Variants in LTV1 observed in about 807,000 individuals in gnomAD.
LTV1 encodes protein LTV1 homolog.
LTV1 carries 39 observed loss-of-function variants against 59.9 expected under a neutral mutation model. The ratio of observed to expected loss-of-function variants is 0.65; its 90% CI spans 0.50 to 0.85. The LOEUF is 0.85. LTV1 is among the 40% of genes least tolerant of loss of function. The pLI is 0.00. For synonymous variants in LTV1, 171 were observed against 189.5 expected (o/e 0.90, Z 0.80); for missense variants, 493 against 549.1 (o/e 0.90, Z 1.02).
intron 1 of LTV1, among the ~76,000 whole-genome samples, chr6:143,843,766 G>A (rs1213288023): frequency 6.6e-6 from 1 of 152,164 alleles, no homozygotes; most frequent in South Asian, 2.1e-4. Flanking sequence ...CTAAAAGCTG[G>A]TGACTGCCGA....
intron 4 of LTV1, among the ~76,000 whole-genome samples, chr6:143,851,282 G>GC (rs1776979702): frequency 6.6e-6 from 1 of 152,208 alleles, no homozygotes; most frequent in African/African-American, 2.4e-5. Context: ...TCCTTGTGGA[G>GC]CAGGGCTAAG....
chr6:143,846,775 T>C (rs1776898666), intron 3 of LTV1, among the ~76,000 whole-genome samples: 1 of 152,218 alleles, frequency 6.6e-6, no homozygotes, highest in Admixed American at 6.5e-5. Context: ...TTCTGTTTTC[T>C]CCCCTGTTTA....
rs773474150 is a variant in LTV1 at position 143,863,426 on chromosome 6, G to A, written c.1327G>A (p.Val443Met). 3 of 1,613,168 alleles carry A rather than the reference G, an allele frequency of 1.9e-6. No individual in the cohort carries two copies. The highest frequency in any genetic ancestry group is 1.3e-5 in the African/African-American group (1 of 75,010). The change falls in exon 11 of 11, where the codon GTG (valine) becomes ATG (methionine). Residue 443 changes from valine to methionine, a missense_variant. Physicochemically the swap from Val to Met is conservative, Grantham distance 21. Transcript: ENST00000367576. This position sits in a 1 kb window ranked among gnomAD's most constrained non-coding sequence, Gnocchi z 4.5. ...AIKEERKERR[V>M]EKKANKLAFK... ...CTTGTACTTATAACAGGAACGAAGA[G>A]TGGAGAAGAAAGCTAACAAATTAGC...
chr6:143,849,659 T>C lies in LTV1; in HGVS notation c.310-472T>C, dbSNP rs545859686. On this transcript the variant is annotated intron_variant, in intron 3 of 10. Transcript: ENST00000367576. ...ACAGGTGAGAGAACACAGAATGTAG[T>C]TGTAATAGTTTCCTAGGACTGCAGT... is the stretch of plus-strand genomic sequence containing the variant. 2.6e-5 allele frequency among the ~76,000 whole-genome samples: 4 copies of C among 152,310 alleles called. No individual in the cohort carries two copies. The East Asian group carries it at 5.8e-4, about 22-fold the overall frequency.
intron 1 of LTV1, 131 bp downstream of exon 1, chr6:143,843,611 C>A: frequency 8.7e-7 from 1 of 1,152,588 alleles, no homozygotes; most frequent in Non-Finnish European, 1.2e-6. Context: ...CACGGTACCC[C>A]GAAATGGGCC....
At chr6:143,853,838 C>A (rs1046742261) in intron 4 of LTV1, among the ~76,000 whole-genome samples, 3 of 152,182 alleles carry the variant, frequency 2.0e-5, no homozygotes, top group African/African-American at 7.2e-5. Context: ...TGATGTGCTG[C>A]TGGATTTGTT....
At chr6:143,860,150 G>A (rs1562332733) in intron 6 of LTV1, among the ~76,000 whole-genome samples, 1 of 152,114 alleles carries the variant, frequency 6.6e-6, no homozygotes, top group Non-Finnish European at 1.5e-5. Flanking sequence ...GTGCTGCCTA[G>A]CATTTTGTTC....
At chr6:143,844,832 G>T (rs969773205) in intron 2 of LTV1, among the ~76,000 whole-genome samples, 2 of 152,068 alleles carry the variant, frequency 1.3e-5, no homozygotes, top group African/African-American at 4.8e-5. Context: ...TAAATTGTTA[G>T]CCAGCTGTTA....
At chr6:143,853,805 T>C (rs998239532) in intron 4 of LTV1, among the ~76,000 whole-genome samples, 2 of 152,218 alleles carry the variant, frequency 1.3e-5, no homozygotes, top group African/African-American at 4.8e-5. Context: ...TGAAGCCAAC[T>C]TGATTGTGGT....
intron 7 of LTV1, among the ~76,000 whole-genome samples, chr6:143,860,978 C>CCTCCGCCTCCCAGGTTCA (rs1240409355): frequency 6.6e-6 from 1 of 151,526 alleles, no homozygotes; most frequent in Non-Finnish European, 1.5e-5. Context: ...TCACCTGCAA[C>CCTCCGCCTCCCAGGTTCA]CTCCGCCTCC....
At chr6:143,846,800 A>C (rs1776899628) in intron 3 of LTV1, among the ~76,000 whole-genome samples, 1 of 152,202 alleles carries the variant, frequency 6.6e-6, no homozygotes, top group African/African-American at 2.4e-5. Flanking sequence ...AAGAATGCCC[A>C]TGTTGTATGC....
At position 143,843,389 on chromosome 6, in the gene LTV1, G is replaced by C; in HGVS notation, c.-89G>C. The C allele has an allele frequency of 6.6e-7, 1 of 1,525,738 alleles. No individual in the cohort carries two copies. The highest frequency in any genetic ancestry group is 1.1e-5 in the South Asian group (1 of 89,464). 94.5% of individuals were successfully genotyped at this position (1,525,738 alleles called of 1,614,324 possible). A position where few individuals can be genotyped will look rare whatever the true frequency, so the allele number is the denominator to read the frequency against. Reference sequence around the variant, plus strand: ...TGCACGTGTGGTGAGGCCTACAGAAGCGGCCTTCAGCTGGACCTTGGTCTC... The same window carrying C: ...TGCACGTGTGGTGAGGCCTACAGAACCGGCCTTCAGCTGGACCTTGGTCTC... On this transcript the variant is annotated 5_prime_UTR_variant, in exon 1 of 11. Coordinates refer to ENST00000367576, the MANE Select transcript of LTV1 (RefSeq NM_032860.5).
intron 7 of LTV1, among the ~76,000 whole-genome samples, chr6:143,861,217 CTTTT>C (rs1023063193): frequency 5.3e-5 from 8 of 151,530 alleles, no homozygotes; most frequent in Non-Finnish European, 7.4e-5. Context: ...TTTTTTTTAA[CTTTT>C]ATTTATTTTG....
In LTV1 at chr6:143,855,909, C is replaced by T. The variant is rs1421656093; in HGVS notation, c.398-1394C>T. On this transcript the variant is annotated intron_variant, in intron 4 of 10. Transcript: ENST00000367576. The surrounding 1 kb of genome is among the most constrained non-coding windows in gnomAD (Gnocchi z 4.6). ...TTCATTTCAACCTTCGTGAATCTGA[C>T]GATTATGTGTCTTGGGGTTGCTCTT... Among the ~76,000 whole-genome samples, 3 of 151,920 alleles carry T rather than the reference C, an allele frequency of 2.0e-5. No individual in the cohort carries two copies. The highest frequency in any genetic ancestry group is 4.8e-5 in the African/African-American group (2 of 41,316).
chr6:143,850,325 A>C, intron 4 of LTV1, 107 bp downstream of exon 4: 1 of 763,016 alleles, frequency 1.3e-6, no homozygotes, highest in Non-Finnish European at 2.2e-6. Context: ...AACAATTGAG[A>C]TATGTCTGGA....
chr6:143,857,904 T>G lies in LTV1; in HGVS notation c.692T>G (p.Phe231Cys), dbSNP rs149742130. The change falls in exon 6 of 11, where the codon TTC becomes TGC. Residue 231 changes from phenylalanine to cysteine, a missense_variant. Physicochemically the swap from Phe to Cys is radical, Grantham distance 205. Transcript: ENST00000367576. The surrounding 1 kb of genome is among the most constrained non-coding windows in gnomAD (Gnocchi z 5.2). ...CACAGAGCTATAGCAGATCACTTGTTCTGGAGTGAGGAAACAAAGAGTCGC... is the reference window on the plus strand; with the variant it reads ...CACAGAGCTATAGCAGATCACTTGTGCTGGAGTGAGGAAACAAAGAGTCGC... The part of the protein sequence containing the change: ...KTHRAIADHL[F>C]WSEETKSRFT... The G allele has an allele frequency of 4.3e-4, 698 of 1,614,122 alleles. 3 individuals carry two copies. The African/African-American group carries it at 8.1e-3, about 19-fold the overall frequency.
intron 3 of LTV1, among the ~76,000 whole-genome samples, chr6:143,848,968 T>C (rs1326758598): frequency 6.6e-6 from 1 of 152,218 alleles, no homozygotes; most frequent in Non-Finnish European, 1.5e-5. Context: ...CATGGTCATA[T>C]AGAATAACTG....
chr6:143,859,290 C>A (rs1562332516), intron 6 of LTV1, among the ~76,000 whole-genome samples: 1 of 152,208 alleles, frequency 6.6e-6, no homozygotes, highest in African/African-American at 2.4e-5. Context: ...ACTGTTTATA[C>A]AGGTTTTTAA....
chr6:143,860,207 GCCTAT>G (rs2128492124), intron 6 of LTV1, among the ~76,000 whole-genome samples: 1 of 152,344 alleles, frequency 6.6e-6, no homozygotes, highest in African/African-American at 2.4e-5. Flanking sequence ...TTAAATGGAA[GCCTAT>G]TTTTAGGCTA....
Sources: allele counts gnomAD v4.1 joint callset (sites outside exome capture counted in the v4.1 genomes callset), GRCh38; gene constraint gnomAD v4.1.1; non-coding constraint Gnocchi (gnomAD v3.1); transcripts MANE v1.5; gene names NCBI Gene and HGNC (gene_info 2026-07-23, HGNC 2026-07-21).